The following SORCS1 variants were observed in gnomAD, a reference collection of about 807,000 sequenced individuals.
SORCS1 encodes VPS10 domain-containing receptor SorCS1.
A neutral mutation model predicts 146.1 loss-of-function variants in SORCS1; 60 were observed. The ratio of observed to expected loss-of-function variants is 0.41; its 90% confidence interval spans 0.33 to 0.51. The LOEUF is 0.51. Among genes scored for constraint, SORCS1 ranks in the 20% least tolerant of loss-of-function variants. The probability of loss-of-function intolerance (pLI) is 0.21; values close to 1 mark genes in which losing one functional copy is unlikely to be tolerated. For missense variants in SORCS1, 1,352 were observed against 1,487.6 expected (o/e 0.91, Z 1.50); for synonymous variants, 637 against 584.0 (o/e 1.09, Z -1.31).
chr10:106,816,004 C>T (rs1409849122), intron 3 of SORCS1, among the ~76,000 whole-genome samples: 1 of 152,150 alleles, frequency 6.6e-6, no homozygotes, highest in Non-Finnish European at 1.5e-5. Flanking sequence ...CTTCTTGTCT[C>T]AATCTGAGTA....
At chr10:106,639,101 T>C (rs1848898228) in intron 18 of SORCS1, among the ~76,000 whole-genome samples, 1 of 152,166 alleles carries the variant, frequency 6.6e-6, no homozygotes, top group Non-Finnish European at 1.5e-5. Flanking sequence ...CACTGCACAT[T>C]AATGGTAGAC....
chr10:107,050,238 C>A (rs368993998), intron 1 of SORCS1, among the ~76,000 whole-genome samples: 3 of 152,252 alleles, frequency 2.0e-5, no homozygotes, highest in Admixed American at 2.0e-4. Flanking sequence ...GGTTAGATTT[C>A]TTTCTCTTTT....
intron 22 of SORCS1, among the ~76,000 whole-genome samples, chr10:106,608,802 G>C (rs1846777323): frequency 6.6e-6 from 1 of 152,196 alleles, no homozygotes; most frequent in African/African-American, 2.4e-5. Context: ...ACATGGACAA[G>C]GGAAAACTTG....
intron 4 of SORCS1, among the ~76,000 whole-genome samples, chr10:106,767,549 C>T (rs1216915191): frequency 2.0e-5 from 3 of 152,066 alleles, no homozygotes; most frequent in Non-Finnish European, 2.9e-5. Flanking sequence ...AGTACAGTGG[C>T]GCCATCTCGG....
chr10:106,592,256 C>A (rs1047623245), intron 24 of SORCS1, among the ~76,000 whole-genome samples: 1 of 152,152 alleles, frequency 6.6e-6, no homozygotes, highest in Admixed American at 6.5e-5. Context: ...TGGCTAGGAA[C>A]AAAACAAGGA....
rs1307811101 is a variant in SORCS1 at position 106,671,332 on chromosome 10, A to G, written c.2094T>C (p.Tyr698=). The G allele has an allele frequency of 2.5e-6, 4 of 1,613,926 alleles. No individual in the cohort carries two copies. The highest frequency in any genetic ancestry group is 1.3e-5 in the African/African-American group (1 of 74,886). Reference sequence around the variant, plus strand: ...ACTTCCGCTCTGATTTTCGCTTCTTATATATCCTTTTTGCTCCCATGATAC... The same window carrying G: ...ACTTCCGCTCTGATTTTCGCTTCTTGTATATCCTTTTTGCTCCCATGATAC... ...EACIMGAKRI[Y]KKRKSERKCM... The change falls in exon 16 of 26, where the codon TAT becomes TAC. Residue 698 remains tyrosine (Y), a synonymous_variant. Coordinates refer to ENST00000263054, the MANE Select transcript of SORCS1 (RefSeq NM_052918.5).
chr10:106,729,985 C>T, intron 6 of SORCS1, 65 bp downstream of exon 6: 1 of 1,528,886 alleles, frequency 6.5e-7, no homozygotes, highest in Non-Finnish European at 9.1e-7. Flanking sequence ...TACACAGACT[C>T]AGTTCATGAC....
intron 2 of SORCS1, among the ~76,000 whole-genome samples, chr10:106,881,986 C>G (rs1204006899): frequency 3.3e-5 from 5 of 152,062 alleles, no homozygotes; most frequent in Non-Finnish European, 5.9e-5. Flanking sequence ...AAGTTACTAC[C>G]TCTTTCAGAT....
intron 2 of SORCS1, among the ~76,000 whole-genome samples, chr10:106,859,761 T>C (rs1022699388): frequency 3.9e-5 from 6 of 152,196 alleles, no homozygotes. Flanking sequence ...TTATACTGTA[T>C]GTGATTTATT....
intron 18 of SORCS1, among the ~76,000 whole-genome samples, chr10:106,646,530 T>C (rs923201998): frequency 2.6e-5 from 4 of 151,842 alleles, no homozygotes; most frequent in Non-Finnish European, 4.4e-5. Flanking sequence ...ACCCCGTCTC[T>C]ACTAAAAATA....
chr10:106,671,100 T>G, intron 16 of SORCS1, 137 bp downstream of exon 16: 1 of 1,157,340 alleles, frequency 8.6e-7, no homozygotes, highest in Non-Finnish European at 1.2e-6. Context: ...TAGTAAACTA[T>G]GAGGTAATTT....
At chr10:106,764,693 C>T (rs113072303) in intron 4 of SORCS1, among the ~76,000 whole-genome samples, 3 of 152,184 alleles carry the variant, frequency 2.0e-5, no homozygotes, top group African/African-American at 7.2e-5. Context: ...TTTAGGAGGG[C>T]ACTATTCCTC....
At chr10:107,153,130 G>A (rs995402459) in intron 1 of SORCS1, among the ~76,000 whole-genome samples, 1 of 147,052 alleles carries the variant, frequency 6.8e-6, no homozygotes, top group Admixed American at 6.8e-5. Flanking sequence ...TTCATTTTCT[G>A]TCTTCCATAT....
intron 5 of SORCS1, among the ~76,000 whole-genome samples, chr10:106,742,575 T>A (rs575581108): frequency 6.6e-6 from 1 of 152,156 alleles, no homozygotes; most frequent in Non-Finnish European, 1.5e-5. Flanking sequence ...AAATGAGGTT[T>A]CACTATGTTG....
intron 4 of SORCS1, among the ~76,000 whole-genome samples, chr10:106,763,930 G>T (rs561820854): frequency 6.6e-6 from 1 of 152,122 alleles, no homozygotes; most frequent in East Asian, 1.9e-4. Flanking sequence ...ATCCTTCTAC[G>T]TGTACGGGTG....
chr10:106,673,320 A>G (rs1249950048), intron 14 of SORCS1, among the ~76,000 whole-genome samples: 1 of 151,960 alleles, frequency 6.6e-6, no homozygotes, highest in African/African-American at 2.4e-5. Context: ...TTTAGTAGAG[A>G]TGGGGTTCCA....
intron 3 of SORCS1, among the ~76,000 whole-genome samples, chr10:106,822,249 T>C (rs577817149): frequency 6.6e-6 from 1 of 152,210 alleles, no homozygotes; most frequent in Non-Finnish European, 1.5e-5. Flanking sequence ...AATGTTATAA[T>C]AGGTGCTTTG....
chr10:106,904,005 T>C (rs183316821), intron 2 of SORCS1, among the ~76,000 whole-genome samples: 35 of 152,302 alleles, frequency 2.3e-4, no homozygotes, highest in African/African-American at 8.4e-4. Flanking sequence ...AGAACTCTTA[T>C]CTCTTGAAAA....
In SORCS1 at chr10:106,975,881, C is replaced by T. The variant is rs569788308; in HGVS notation, c.559-19301G>A. Reference sequence around the variant, plus strand: ...GCCATCTCCTGGCTGGGCATGGTGGCTCACACCTGTAATCCCAGCACTTTG... The same window carrying T: ...GCCATCTCCTGGCTGGGCATGGTGGTTCACACCTGTAATCCCAGCACTTTG... On this transcript the variant is annotated intron_variant, in intron 1 of 25. Coordinates refer to ENST00000263054, the MANE Select transcript of SORCS1 (RefSeq NM_052918.5). Among the ~76,000 whole-genome samples, 3 of 152,224 alleles carry T rather than the reference C, an allele frequency of 2.0e-5. No individual in the cohort carries two copies. In the South Asian group the frequency reaches 6.2e-4, roughly 32 times the overall value.
Sources: allele counts gnomAD v4.1 joint callset (sites outside exome capture counted in the v4.1 genomes callset), GRCh38; gene constraint gnomAD v4.1.1; transcripts MANE v1.5; gene names NCBI Gene and HGNC (gene_info 2026-07-23, HGNC 2026-07-21).